FAM118A: variants seen among roughly 807,000 people sequenced by gnomAD.
FAM118A encodes SIR2 antiphage like 2.
Under a neutral mutation model 38.2 loss-of-function variants are expected in FAM118A, and 25 were observed. The observed-to-expected ratio is 0.65, with a 90% CI of 0.48 to 0.91. FAM118A has a LOEUF of 0.91. FAM118A is among the 40% of genes least tolerant of loss of function. FAM118A has a pLI of 0.00. For missense variants in FAM118A, 425 were observed against 463.3 expected (o/e 0.92, Z 0.76); for synonymous variants, 178 against 184.1 (o/e 0.97, Z 0.27).
intron 1 of FAM118A, among the ~76,000 whole-genome samples, chr22:45,317,427 G>A (rs1181328446): frequency 6.6e-6 from 1 of 152,334 alleles, no homozygotes; most frequent in East Asian, 1.9e-4. Context: ...GAGGATCCCA[G>A]AATCTGGACA....
At position 45,340,694 on chromosome 22, in the gene FAM118A, C is replaced by T. The variant is rs889049377; in HGVS notation, c.*289C>T. ...TGGGAAGGGATGGACCTGGTGTTCC[C>T]GTTCCCATCTGACAGGCTCTCTTTT... On this transcript the variant is annotated 3_prime_UTR_variant, in exon 9 of 9. Coordinates refer to ENST00000441876, the MANE Select transcript of FAM118A (RefSeq NM_017911.4). 3 of 470,724 alleles carry T rather than the reference C, an allele frequency of 6.4e-6. No homozygotes were observed. Among genetic ancestry groups the T allele is most frequent in the Non-Finnish European group, 1.1e-5 (3 of 267,044 alleles). The allele number at this position is 470,724 out of a possible 1,614,324, so 29.2% of individuals were successfully genotyped here.
intron 4 of FAM118A, chr22:45,329,091 GCC>G (rs1448716523): frequency 6.5e-6 from 1 of 152,672 alleles, no homozygotes; most frequent in Non-Finnish European, 1.5e-5. Context: ...CTCCCACCAG[GCC>G]CCACCTCCAG....
chr22:45,323,859 G>C (rs1291135186), intron 3 of FAM118A, among the ~76,000 whole-genome samples: 2 of 152,258 alleles, frequency 1.3e-5, no homozygotes, highest in African/African-American at 4.8e-5. Flanking sequence ...CTGCAGAGAT[G>C]ATCTAGATGA....
At position 45,322,400 on chromosome 22, in the gene FAM118A, A is replaced by G. The variant is rs566078317; in HGVS notation, c.21A>G (p.Thr7=). The stretch of plus-strand genomic sequence containing the variant: ...CACAGATGGATTCAGTGGAAAAGAC[A>G]ACAAATAGAAGTGAACAAAAATCCA... MDSVEK[T]TNRSEQKSRK... is the part of the protein sequence containing the mutation. Residue 7 remains threonine (T), a synonymous_variant, in exon 2 of 9, where the codon ACA becomes ACG. Transcript: ENST00000441876. 15 of 1,611,114 alleles carry G rather than the reference A, an allele frequency of 9.3e-6. No homozygotes were observed. The highest frequency in any genetic ancestry group is 6.7e-5 in the East Asian group (3 of 44,886).
rs1601947166 is a variant in FAM118A at position 45,328,535 on chromosome 22, G to C, written c.522+472G>C. 8.2e-6 allele frequency: 6 copies of C among 728,936 alleles called. No homozygotes were observed. In the East Asian group the frequency reaches 1.5e-4, roughly 19 times the overall value. 45.2% of individuals were successfully genotyped at this position (728,936 alleles called of 1,614,324 possible). A position where few individuals can be genotyped will look rare whatever the true frequency, so the allele number is the denominator to read the frequency against. On this transcript the variant is annotated intron_variant, in intron 4 of 8. Coordinates refer to ENST00000441876, the MANE Select transcript of FAM118A (RefSeq NM_017911.4). Reference sequence around the variant, plus strand: ...CAGTCCCCGCTACTGGGGAGGCCGAGGTGGGAGGATTGCTTGAGCCCAGGA... The same window carrying C: ...CAGTCCCCGCTACTGGGGAGGCCGACGTGGGAGGATTGCTTGAGCCCAGGA...
chr22:45,325,513 T>C (rs1428622569), intron 3 of FAM118A, among the ~76,000 whole-genome samples: 1 of 151,932 alleles, frequency 6.6e-6, no homozygotes, highest in Non-Finnish European at 1.5e-5. Context: ...GACTGGTCAG[T>C]GATAGTGGGG....
chr22:45,340,380 A>G lies in FAM118A; in HGVS notation c.1055-6A>G. 6.2e-7 allele frequency: 1 copy of G among 1,614,188 alleles called. No homozygotes were observed. The highest frequency in any genetic ancestry group is 8.5e-7 in the Non-Finnish European group (1 of 1,180,018). On this transcript the variant is annotated splice_region_variant and splice_polypyrimidine_tract_variant and intron_variant, in intron 8 of 8. Transcript: ENST00000441876. Reference sequence around the variant, plus strand: ...CCTTGGGCATTTCATTCTTTTATTTAAACAGATGATGCTGGAGGGTCTTGA... The same window carrying G: ...CCTTGGGCATTTCATTCTTTTATTTGAACAGATGATGCTGGAGGGTCTTGA...
chr22:45,333,667 C>G (rs1280731938), intron 6 of FAM118A, among the ~76,000 whole-genome samples: 24 of 117,796 alleles, frequency 2.0e-4, no homozygotes, highest in South Asian at 5.4e-4. Flanking sequence ...GAGCAAGACT[C>G]TGTTTCCAAA....
At chr22:45,320,728 G>A (rs760112597) in intron 1 of FAM118A, among the ~76,000 whole-genome samples, 2 of 152,126 alleles carry the variant, frequency 1.3e-5, no homozygotes, top group Admixed American at 1.3e-4. Context: ...GTGAGCCAGC[G>A]TACTCTGCCA....
rs756123996 is a variant in FAM118A, at chr22:45,332,701, C to T, written c.928C>T (p.Gln310Ter). 6.9e-6 allele frequency: 11 copies of T among 1,596,846 alleles called. No individual in the cohort carries two copies. The Admixed American group carries it at 6.9e-5, about 10-fold the overall frequency. Reference protein sequence around the residue: ...QDLATQICKQQSPDADRVDST... With the variant: ...QDLATQICKQ Reference sequence around the variant, plus strand: ...CCTTGCCACTCAGATCTGCAAACAGCAAAGCCCAGGTATGGGATCTGGCTT... The same window carrying T: ...CCTTGCCACTCAGATCTGCAAACAGTAAAGCCCAGGTATGGGATCTGGCTT... Residue 310 changes from glutamine (Q) to a stop codon, truncating the protein, a stop_gained, in exon 6 of 9, where the codon CAA becomes TAA. Coordinates refer to ENST00000441876, the MANE Select transcript of FAM118A (RefSeq NM_017911.4). LOFTEE classifies it high-confidence loss of function.
intron 4 of FAM118A, 98 bp downstream of exon 4, chr22:45,328,161 GCGGGAGGTCTT>G: frequency 1.1e-5 from 1 of 87,488 alleles, no homozygotes; most frequent in Admixed American, 3.0e-4. Context: ...GGCTGGGGGT[GCGGGAGGTCTT>G]TGGCCGGCGG....
chr22:45,312,462 C>A (rs891702697), intron 1 of FAM118A, among the ~76,000 whole-genome samples: 1 of 152,120 alleles, frequency 6.6e-6, no homozygotes, highest in African/African-American at 2.4e-5. Flanking sequence ...CATCTGAGGT[C>A]GGCAGTTCGA....
Position 45,332,469 on chromosome 22 carries a change from G to C in FAM118A, c.696G>C (p.Val232=). ...NLYRTKSFLF[V]GCGETLRDQI... is the part of the protein sequence containing the mutation. ...ACCGCACCAAGTCCTTTCTGTTTGT[G>C]GGCTGTGGGGAGACCCTTCGTGATC... The change falls in exon 6 of 9, where the codon GTG becomes GTC. Residue 232 remains valine, a synonymous_variant. Transcript: ENST00000441876. The C allele has an allele frequency of 6.2e-7, 1 of 1,614,140 alleles. No homozygotes were observed. Among genetic ancestry groups the C allele is most frequent in the Non-Finnish European group, 8.5e-7 (1 of 1,180,030 alleles).
chr22:45,339,362 G>A (rs1476119215), intron 8 of FAM118A, among the ~76,000 whole-genome samples: 4 of 152,306 alleles, frequency 2.6e-5, no homozygotes, highest in African/African-American at 9.6e-5. Flanking sequence ...TCACACCATT[G>A]TACTCCAGCC....
chr22:45,310,804 C>T (rs888879461), intron 1 of FAM118A, among the ~76,000 whole-genome samples: 5 of 152,192 alleles, frequency 3.3e-5, no homozygotes, highest in African/African-American at 7.2e-5. Flanking sequence ...ACAGGACAGT[C>T]TATAGAGCAG....
At chr22:45,316,580 G>A (rs1373184353) in intron 1 of FAM118A, among the ~76,000 whole-genome samples, 6 of 152,190 alleles carry the variant, frequency 3.9e-5, no homozygotes, top group African/African-American at 1.4e-4. Flanking sequence ...GGTGTAGTCA[G>A]AATGCAGTGG....
At chr22:45,325,480 G>T (rs961200730) in intron 3 of FAM118A, among the ~76,000 whole-genome samples, 6 of 152,198 alleles carry the variant, frequency 3.9e-5, no homozygotes, top group African/African-American at 1.4e-4. Flanking sequence ...AAGAAGGCAG[G>T]ACAGGACAGC....
At chr22:45,323,053 GT>G in intron 2 of FAM118A, 121 bp from the exon 3 acceptor site, 1 of 978,166 alleles carries the variant, frequency 1.0e-6, no homozygotes, top group Non-Finnish European at 1.5e-6. Context: ...GTGTGTGTGT[GT>G]GTGTGTGTGT....
intron 1 of FAM118A, among the ~76,000 whole-genome samples, chr22:45,310,470 C>T (rs755262247): frequency 2.6e-4 from 39 of 152,166 alleles, no homozygotes; most frequent in Non-Finnish European, 2.4e-4. Flanking sequence ...TTGGGACTTG[C>T]TTCCAGCAAC....
Sources: allele counts gnomAD v4.1 joint callset (sites outside exome capture counted in the v4.1 genomes callset), GRCh38; gene constraint gnomAD v4.1.1; transcripts MANE v1.5; gene names NCBI Gene and HGNC (gene_info 2026-07-23, HGNC 2026-07-21).